CFLAR: variants seen among roughly 807,000 people sequenced by gnomAD.
The protein encoded by CFLAR is CASP8 and FADD like apoptosis regulator.
A neutral mutation model predicts 51.1 loss-of-function variants in CFLAR; 14 were observed. The observed-to-expected ratio is 0.27, with a 90% CI of 0.18 to 0.43. CFLAR has a LOEUF of 0.43. Ranked by LOEUF, CFLAR falls within the 20% of genes least tolerant of loss-of-function variation. CFLAR has a pLI of 1.00. For missense variants in CFLAR, 390 were observed against 566.5 expected (o/e 0.69, Z 3.16); for synonymous variants, 210 against 211.6 (o/e 0.99, Z 0.06).
chr2:201,141,510 T>C, intron 5 of CFLAR: 3 of 1,466,122 alleles, frequency 2.0e-6, no homozygotes, highest in Non-Finnish European at 2.7e-6. Context: ...ATAATGTGTT[T>C]AGCCCTTTCT....
rs749885039 is a variant in CFLAR at position 201,138,818 on chromosome 2, G to A, written c.524-1539G>A. 39 of 751,240 alleles carry A rather than the reference G, an allele frequency of 5.2e-5. No homozygotes were observed. The highest frequency in any genetic ancestry group is 7.6e-5 in the East Asian group (3 of 39,300). 46.5% of individuals were successfully genotyped at this position (751,240 alleles called of 1,614,324 possible). On this transcript the variant is annotated intron_variant, in intron 4 of 9. Coordinates refer to ENST00000309955, the MANE Select transcript of CFLAR (RefSeq NM_003879.7). The surrounding 1 kb of genome is among the most constrained non-coding windows in gnomAD (Gnocchi z 4.0). ...CAGTACCTCCCATCAGAGCCATCACGATGGCCAGGTCGGCCTCTGTCACAG... is the reference window on the plus strand; with the variant it reads ...CAGTACCTCCCATCAGAGCCATCACAATGGCCAGGTCGGCCTCTGTCACAG...
intron 4 of CFLAR, chr2:201,140,152 C>T (rs1193206214): frequency 7.0e-5 from 25 of 357,762 alleles, no homozygotes; most frequent in Non-Finnish European, 9.6e-5. Flanking sequence ...GCTGCGGCAG[C>T]GGCGGGGCGG....
In CFLAR at chr2:201,149,021, C is replaced by T; in HGVS notation, c.680C>T (p.Ser227Phe). 1 of 1,612,462 alleles carries T rather than the reference C, an allele frequency of 6.2e-7. No homozygotes were observed. ...CCCCCAGAAGAACCAGTGAAGAAAT[C>T]CATTCAGGAATCAGAAGCTTTTTTG... ...LGAQQEPVKK[S>F]IQESEAFLPQ... Residue 227 changes from serine (S) to phenylalanine (F), a missense_variant, in exon 7 of 10, where the codon TCC becomes TTC. Ser to Phe is a radical substitution (Grantham distance 155). Coordinates refer to ENST00000309955, the MANE Select transcript of CFLAR (RefSeq NM_003879.7).
chr2:201,149,237 A>G (rs1050750409), intron 7 of CFLAR, 185 bp downstream of exon 7: 41 of 505,758 alleles, frequency 8.1e-5, no homozygotes, highest in African/African-American at 7.4e-4. Flanking sequence ...AGTGGATTGC[A>G]TTAGTGAACT....
At chr2:201,149,870 C>G (rs2125853157) in intron 8 of CFLAR, 35 bp downstream of exon 8, 1 of 1,498,452 alleles carries the variant, frequency 6.7e-7, no homozygotes, top group East Asian at 2.3e-5. Context: ...CTGGTGCCCC[C>G]AGATTGAGAT....
rs546371326 is a variant in CFLAR, at chr2:201,173,767, G to A, written c.*9794G>A. 1 of 152,104 alleles carries A rather than the reference G, an allele frequency of 6.6e-6. No individual in the cohort carries two copies. The highest frequency in any genetic ancestry group is 2.4e-5 in the African/African-American group (1 of 41,390). 9.4% of individuals were successfully genotyped at this position (152,104 alleles called of 1,614,324 possible). A position where few individuals can be genotyped will look rare whatever the true frequency, so the allele number is the denominator to read the frequency against. On this transcript the variant is annotated 3_prime_UTR_variant, in exon 10 of 10. Coordinates refer to ENST00000309955, the MANE Select transcript of CFLAR (RefSeq NM_003879.7). ...GCTCACTGCAACCTCCACCTCCTGA[G>A]TTCAAGCGACTCTCCTGCCTCGGCC... is the stretch of plus-strand genomic sequence containing the variant.
intron 5 of CFLAR, 119 bp from the exon 6 acceptor site, chr2:201,145,259 C>T (rs756646441): frequency 6.9e-5 from 42 of 605,680 alleles, no homozygotes; most frequent in Middle Eastern, 4.1e-4. Flanking sequence ...ACTGTTGGGA[C>T]GATATTTTTA....
At chr2:201,119,841 T>G (rs916358699) in intron 1 of CFLAR, among the ~76,000 whole-genome samples, 1 of 138,074 alleles carries the variant, frequency 7.2e-6, no homozygotes, top group East Asian at 2.0e-4. Context: ...AGTTTAATGT[T>G]TTTTTTTTTT....
At chr2:201,162,172 G>A (rs1943116393) in intron 9 of CFLAR, among the ~76,000 whole-genome samples, 2 of 151,880 alleles carry the variant, frequency 1.3e-5, no homozygotes, top group South Asian at 2.1e-4. Context: ...GGCACACCTC[G>A]GCTTACTGCA....
intron 5 of CFLAR, chr2:201,142,900 A>G (rs114988612): frequency 1.3e-5 from 2 of 152,314 alleles, no homozygotes; most frequent in Non-Finnish European, 2.9e-5. Context: ...CACTTGGCCT[A>G]GCATATATTT....
At position 201,165,502 on chromosome 2, in the gene CFLAR, C is replaced by T. The variant is rs558986215; in HGVS notation, c.*1529C>T. ...GGCCAGCGTGGTCTTGAACTCCTGA[C>T]CTCAGGTGATTCACCAGCCTCGGCC... On this transcript the variant is annotated 3_prime_UTR_variant, in exon 10 of 10. Transcript: ENST00000309955. 1 of 152,386 alleles carries T rather than the reference C, an allele frequency of 6.6e-6. No individual in the cohort carries two copies. Among genetic ancestry groups the T allele is most frequent in the Admixed American group, 6.5e-5 (1 of 15,286 alleles). 9.4% of individuals were successfully genotyped at this position (152,386 alleles called of 1,614,324 possible).
At chr2:201,155,588 T>C (rs917457728) in intron 8 of CFLAR, among the ~76,000 whole-genome samples, 2 of 152,026 alleles carry the variant, frequency 1.3e-5, no homozygotes, top group Non-Finnish European at 2.9e-5. Context: ...TTTTTTTCTA[T>C]CCTGCTCTTT....
intron 9 of CFLAR, 43 bp from the exon 10 acceptor site, chr2:201,163,792 A>G: frequency 6.3e-7 from 1 of 1,580,686 alleles, no homozygotes; most frequent in East Asian, 2.3e-5. Flanking sequence ...CTTCTCTTTG[A>G]TATTTGCATG....
rs1247121729 is a variant in CFLAR, at chr2:201,175,182, G to A, written c.*11209G>A. 6.6e-6 allele frequency: 1 copy of A among 152,160 alleles called. No homozygotes were observed. Among genetic ancestry groups the A allele is most frequent in the African/African-American group, 2.4e-5 (1 of 41,428 alleles). The allele number at this position is 152,160 out of a possible 1,614,324, so 9.4% of individuals were successfully genotyped here. On this transcript the variant is annotated 3_prime_UTR_variant, in exon 10 of 10. Coordinates refer to ENST00000309955, the MANE Select transcript of CFLAR (RefSeq NM_003879.7). The stretch of plus-strand genomic sequence containing the variant: ...AGCCCATCAGGGCTACTCTTCCTAT[G>A]GGGTAGCCATTCTTTTATTCCTTTA...
intron 4 of CFLAR, chr2:201,136,433 A>G: frequency 6.3e-7 from 1 of 1,598,364 alleles, no homozygotes; most frequent in Non-Finnish European, 8.5e-7. Flanking sequence ...GCTGAACCCT[A>G]CTGCCTTGCT....
In CFLAR at chr2:201,124,579, C is replaced by T. The variant is rs55702364; in HGVS notation, c.-137-5150C>T. Among the ~76,000 whole-genome samples, 5,784 of 152,260 alleles carry T rather than the reference C, an allele frequency of 0.038. 138 individuals carry two copies. Among genetic ancestry groups the T allele is most frequent in the Middle Eastern group, 0.082 (24 of 294 alleles). ...TGAACTCCTTGCCTCAAGTGATCCGCCCGCCTTGGCCTCCCAAAGTGCTGG... is the reference window on the plus strand; with the variant it reads ...TGAACTCCTTGCCTCAAGTGATCCGTCCGCCTTGGCCTCCCAAAGTGCTGG... On this transcript the variant is annotated intron_variant, in intron 1 of 9. Coordinates refer to ENST00000309955, the MANE Select transcript of CFLAR (RefSeq NM_003879.7). The surrounding 1 kb of genome is among the most constrained non-coding windows in gnomAD (Gnocchi z 4.7).
intron 4 of CFLAR, 91 bp from the exon 5 acceptor site, chr2:201,140,266 T>C (rs1575733644): frequency 6.7e-7 from 1 of 1,495,780 alleles, no homozygotes; most frequent in Non-Finnish European, 9.0e-7. Flanking sequence ...TTTTGAAAGA[T>C]GGTGATTGAC....
At chr2:201,154,953 C>T (rs1287342535) in intron 8 of CFLAR, among the ~76,000 whole-genome samples, 1 of 152,192 alleles carries the variant, frequency 6.6e-6, no homozygotes, top group Non-Finnish European at 1.5e-5. Context: ...GAGAAGAATT[C>T]TTATGGAGTT....
rs1470608842 is a variant in CFLAR, at chr2:201,118,932, CGCCCCTGGGCTGGTGTCGCCCTGG to C, written c.-138+2454_-138+2477del. The C allele has an allele frequency of 2.0e-5, 3 of 152,268 alleles. No homozygotes were observed. Among genetic ancestry groups the C allele is most frequent in the Admixed American group, 6.5e-5 (1 of 15,292 alleles). The allele number at this position is 152,268 out of a possible 1,614,324, so 9.4% of individuals were successfully genotyped here. A position where few individuals can be genotyped will look rare whatever the true frequency, so the allele number is the denominator to read the frequency against. ...TAGACCGAGAATCCTGCCCGATCCC[CGCCCCTGGGCTGGTGTCGCCCTGG>C]GCTCCTGGGACGTCGGGGCACTGTC... On this transcript the variant is annotated intron_variant, in intron 1 of 9. Transcript: ENST00000309955. This position sits in a 1 kb window ranked among gnomAD's most constrained non-coding sequence, Gnocchi z 5.1.
Sources: gnomAD v4.1 joint callset for allele counts (sites outside exome capture counted in the v4.1 genomes callset) on GRCh38, gnomAD v4.1.1 for gene constraint, Gnocchi (gnomAD v3.1) non-coding constraint, MANE v1.5 for transcripts, NCBI Gene and HGNC (gene_info 2026-07-23, HGNC 2026-07-21) for gene names.